The following ARAP2 variants were observed in gnomAD, a reference collection of about 807,000 sequenced individuals.
ARAP2 encodes arf-GAP with Rho-GAP domain, ANK repeat and PH domain-containing protein 2.
A neutral mutation model predicts 194.5 loss-of-function variants in ARAP2; 148 were observed. That is an observed-to-expected ratio of 0.76 (90% CI 0.67 to 0.87). ARAP2 has a LOEUF of 0.87. Ranked by LOEUF, ARAP2 falls within the 40% of genes least tolerant of loss-of-function variation. ARAP2 has a pLI of 0.00. For synonymous variants in ARAP2, 695 were observed against 683.5 expected, an observed-to-expected ratio of 1.02 and a Z score of -0.26; for missense variants, 2,128 against 1,989.7, an observed-to-expected ratio of 1.07 and a Z score of -1.32.
chr4:36,124,080 T>C (rs1336154689), intron 22 of ARAP2, among the ~76,000 whole-genome samples: 1 of 151,768 alleles, frequency 6.6e-6, no homozygotes, highest in Non-Finnish European at 1.5e-5. Flanking sequence ...AGTTTTACAA[T>C]AATGGAGCTG....
intron 5 of ARAP2, among the ~76,000 whole-genome samples, chr4:36,026,935 G>A (rs905600281): frequency 6.6e-6 from 1 of 152,178 alleles, no homozygotes; most frequent in Admixed American, 6.6e-5. Flanking sequence ...CTCTAAATGC[G>A]GCCATAGCAG....
At chr4:36,164,339 C>A (rs1013018981) in intron 11 of ARAP2, among the ~76,000 whole-genome samples, 1 of 152,158 alleles carries the variant, frequency 6.6e-6, no homozygotes, top group South Asian at 2.1e-4. Flanking sequence ...CTTCCTTCCA[C>A]TCACTTGGGC....
intron 2 of ARAP2, among the ~76,000 whole-genome samples, chr4:36,054,837 A>G (rs964247925): frequency 6.6e-6 from 1 of 152,182 alleles, no homozygotes; most frequent in African/African-American, 2.4e-5. Context: ...ATACTTTTTA[A>G]GTACTTTGTC....
In ARAP2 at chr4:36,082,869, C is replaced by A. The variant is rs1729896965; in HGVS notation, c.4508+499G>T. The stretch of plus-strand genomic sequence containing the variant: ...GCACGCAATCTGTAGGAGGCACCCA[C>A]CTCCTCTAGCGCTTACATGCTATGA... On this transcript the variant is annotated intron_variant, in intron 29 of 32. Coordinates refer to ENST00000303965, the MANE Select transcript of ARAP2 (RefSeq NM_015230.4). Among the ~76,000 whole-genome samples, 2 of 152,112 alleles carry A rather than the reference C, an allele frequency of 1.3e-5. 1 individual carries two copies. Among genetic ancestry groups the A allele is most frequent in the South Asian group, 4.1e-4 (2 of 4,820 alleles).
chr4:36,147,735 G>A lies in ARAP2; in HGVS notation c.3012C>T (p.Pro1004=). The A allele has an allele frequency of 2.5e-6, 4 of 1,605,878 alleles. No homozygotes were observed. Among genetic ancestry groups the A allele is most frequent in the Non-Finnish European group, 3.4e-6 (4 of 1,177,366 alleles). ...CTTCTGTTAAGTTTTCAGCAAATAAGGGAACAAAATGCTGTTAAAACAAAT... is the reference window on the plus strand; with the variant it reads ...CTTCTGTTAAGTTTTCAGCAAATAAAGGAACAAAATGCTGTTAAAACAAAT... ...WTEAIAKHFV[P]LFAENLTEAD... The change falls in exon 18 of 33, where the codon CCC becomes CCT. Residue 1004 remains proline (P), a synonymous_variant. Transcript: ENST00000303965.
At chr4:36,203,443 G>A (rs1443390496) in intron 6 of ARAP2, among the ~76,000 whole-genome samples, 1 of 152,084 alleles carries the variant, frequency 6.6e-6, no homozygotes, top group African/African-American at 2.4e-5. Flanking sequence ...AATTAGCCAG[G>A]CATGGTGATG....
At chr4:36,133,080 C>T in intron 20 of ARAP2, 146 bp downstream of exon 20, 1 of 725,606 alleles carries the variant, frequency 1.4e-6, no homozygotes, top group Non-Finnish European at 2.1e-6. Flanking sequence ...TGGTAATTAG[C>T]TGAACAGTAA....
In ARAP2 at chr4:36,009,844, T is replaced by C. The variant is rs188018943; in HGVS notation, n.1325+2719A>G. 1.1e-3 allele frequency among the ~76,000 whole-genome samples: 153 copies of C among 142,862 alleles called. 1 individual carries two copies. The highest frequency in any genetic ancestry group is 3.8e-3 in the African/African-American group (146 of 38,652). 93.7% of individuals were successfully genotyped at this position (142,862 alleles called of 152,430 possible). A position where few individuals can be genotyped will look rare whatever the true frequency, so the allele number is the denominator to read the frequency against. On this transcript the variant is annotated intron_variant and non_coding_transcript_variant, in intron 9 of 12. Coordinates refer to the ARAP2 transcript ENST00000503225. ...TTCTATATAGGAAAGTCCCTCTCTC[T>C]TGTTGAAGTAAAATTCAGAAGCTCC...
At chr4:36,073,446 C>T (rs1406659577) in intron 32 of ARAP2, among the ~76,000 whole-genome samples, 2 of 151,956 alleles carry the variant, frequency 1.3e-5, no homozygotes, top group Non-Finnish European at 2.9e-5. Context: ...TTTAAATTGG[C>T]TACTTTAGAG....
chr4:36,167,057 AG>A lies in ARAP2; in HGVS notation c.1858-11del. 1 of 1,423,536 alleles carries A rather than the reference AG, an allele frequency of 7.0e-7. No individual in the cohort carries two copies. Among genetic ancestry groups the A allele is most frequent in the Non-Finnish European group, 9.6e-7 (1 of 1,043,172 alleles). 88.2% of individuals were successfully genotyped at this position (1,423,536 alleles called of 1,614,324 possible). A position where few individuals can be genotyped will look rare whatever the true frequency, so the allele number is the denominator to read the frequency against. On this transcript the variant is annotated splice_polypyrimidine_tract_variant and intron_variant, in intron 9 of 32. Transcript: ENST00000303965. The stretch of plus-strand genomic sequence containing the variant: ...GTCCACTCTTAAAATCCTAGTTTGG[AG>A]AAAAACATAAAAAACTATAAAGAAA...
chr4:36,113,810 T>C (rs941704293), intron 26 of ARAP2, among the ~76,000 whole-genome samples: 14 of 151,964 alleles, frequency 9.2e-5, no homozygotes, highest in African/African-American at 3.4e-4. Context: ...AATTATTTTA[T>C]ATAATAAACA....
At chr4:36,043,162 G>A (rs542805628) in intron 5 of ARAP2, among the ~76,000 whole-genome samples, 4 of 152,160 alleles carry the variant, frequency 2.6e-5, no homozygotes, top group African/African-American at 9.6e-5. Context: ...ATGTTTTTAT[G>A]TACTACCATG....
At chr4:36,164,864 A>G (rs1028687585) in intron 11 of ARAP2, 50 bp downstream of exon 11, 1 of 1,569,722 alleles carries the variant, frequency 6.4e-7, no homozygotes. Flanking sequence ...AAGAGCATTC[A>G]ATGCCAATCT....
At chr4:36,163,150 G>T (rs1734480023) in intron 11 of ARAP2, among the ~76,000 whole-genome samples, 1 of 151,930 alleles carries the variant, frequency 6.6e-6, no homozygotes, top group South Asian at 2.1e-4. Context: ...GAATTAAAGT[G>T]ATAAATAATA....
chr4:36,070,082 T>C (rs1261603170), intron 32 of ARAP2, among the ~76,000 whole-genome samples: 1 of 152,176 alleles, frequency 6.6e-6, no homozygotes, highest in East Asian at 1.9e-4. Context: ...TAATTAAACA[T>C]CTTTTCTTCA....
At position 36,210,429 on chromosome 4, in the gene ARAP2, T is replaced by G. The variant is rs777812047; in HGVS notation, c.1448A>C (p.Lys483Thr). ...YACFYGASAK[K>T]VKSGWLDKLS... ...TTTATCCAGCCATCCTGATTTAACC[T>G]TCTTTGCAGATGCTCCATAAAAGCA... Residue 483 changes from lysine to threonine, a missense_variant, in exon 6 of 33, where the codon AAG becomes ACG. By Grantham distance (78) the Lys-to-Thr change is moderately conservative. Transcript: ENST00000303965. The G allele has an allele frequency of 1.9e-6, 3 of 1,613,508 alleles. No homozygotes were observed. Among genetic ancestry groups the G allele is most frequent in the Non-Finnish European group, 2.5e-6 (3 of 1,179,696 alleles).
chr4:36,153,052 T>C (rs1359485329), intron 15 of ARAP2, among the ~76,000 whole-genome samples: 1 of 152,248 alleles, frequency 6.6e-6, no homozygotes, highest in Non-Finnish European at 1.5e-5. Context: ...TCTCATTATG[T>C]AAATTCTAAT....
Position 36,068,003 on chromosome 4 carries a change from A to C in ARAP2, c.5019T>G (p.His1673Gln). Residue 1673 changes from histidine (H) to glutamine (Q), a missense_variant, in exon 33 of 33, where the codon CAT (histidine) becomes CAG (glutamine). Transcript: ENST00000303965. ...RNSKATLDSD[H>Q]KLPSRVIEEL... ...CTTCAATTACCCTTGATGGTAACTT[A>C]TGATCAGAGTCCAAAGTAGCTTTGC... The C allele has an allele frequency of 6.2e-7, 1 of 1,614,200 alleles. No homozygotes were observed. The highest frequency in any genetic ancestry group is 8.5e-7 in the Non-Finnish European group (1 of 1,179,996).
intron 9 of ARAP2, among the ~76,000 whole-genome samples, chr4:36,177,475 G>T (rs1307025564): frequency 6.6e-6 from 1 of 152,038 alleles, no homozygotes; most frequent in Non-Finnish European, 1.5e-5. Flanking sequence ...GTGCAGAACT[G>T]GTCCTATTTC....
Sources: gnomAD v4.1 joint callset for allele counts (sites outside exome capture counted in the v4.1 genomes callset) on GRCh38, gnomAD v4.1.1 for gene constraint, MANE v1.5 for transcripts, NCBI Gene and HGNC (gene_info 2026-07-23, HGNC 2026-07-21) for gene names.